Variants in CERKL observed in about 807,000 individuals in gnomAD.
The protein encoded by CERKL is CERK like autophagy regulator, also known as ceramide kinase-like protein.
In CERKL, 61 loss-of-function variants were observed where a neutral mutation model predicts 63.4. The ratio of observed to expected loss-of-function variants is 0.96; its 90% CI spans 0.78 to 1.19. The LOEUF is 1.19. Among genes scored for constraint, CERKL ranks in the 50% most tolerant of loss-of-function variants. CERKL has a pLI of 0.00. For missense variants in CERKL, 675 were observed against 655.5 expected (o/e 1.03, Z -0.33); for synonymous variants, 250 against 230.5 (o/e 1.08, Z -0.77).
chr2:181,587,738 AAAT>A (rs1684825915), intron 2 of CERKL, among the ~76,000 whole-genome samples: 1 of 152,164 alleles, frequency 6.6e-6, no homozygotes, highest in Non-Finnish European at 1.5e-5. Context: ...GAAAATTATA[AAAT>A]TATTAGAGAA....
chr2:181,601,822 G>A (rs1685471054), intron 2 of CERKL, among the ~76,000 whole-genome samples: 1 of 152,130 alleles, frequency 6.6e-6, no homozygotes, highest in South Asian at 2.1e-4. Flanking sequence ...GTTTGTATGA[G>A]TTGATTTTAA....
rs191725841 is a variant in CERKL, at chr2:181,616,338, C to T, written c.239-12259G>A. On this transcript the variant is annotated intron_variant, in intron 1 of 12. Transcript: ENST00000410087. The stretch of plus-strand genomic sequence containing the variant: ...ACACCATTCTCTTGCTTCAGCCTCC[C>T]AAGTAGCTAGGACCACAGGCGCTCG... 1.3e-3 allele frequency among the ~76,000 whole-genome samples: 198 copies of T among 151,244 alleles called. 1 individual carries two copies. The highest frequency in any genetic ancestry group is 4.6e-3 in the African/African-American group (188 of 41,122).
At chr2:181,567,781 CA>C (rs1688726982) in intron 3 of CERKL, among the ~76,000 whole-genome samples, 1 of 151,956 alleles carries the variant, frequency 6.6e-6, no homozygotes, top group African/African-American at 2.4e-5. Flanking sequence ...CAATGTTAGG[CA>C]AAAGGATAAA....
chr2:181,578,894 T>A (rs1284485516), intron 2 of CERKL, among the ~76,000 whole-genome samples: 1 of 152,020 alleles, frequency 6.6e-6, no homozygotes, highest in Non-Finnish European at 1.5e-5. Context: ...CTATTCTCCA[T>A]CTATTTGATG....
At chr2:181,632,130 A>G (rs748642451) in intron 1 of CERKL, among the ~76,000 whole-genome samples, 9 of 152,220 alleles carry the variant, frequency 5.9e-5, no homozygotes, top group Non-Finnish European at 1.3e-4. Context: ...TGCCAAATCT[A>G]AAATTCTCAA....
intron 11 of CERKL, among the ~76,000 whole-genome samples, chr2:181,540,265 C>A (rs1297549583): frequency 6.6e-6 from 1 of 152,176 alleles, no homozygotes; most frequent in Non-Finnish European, 1.5e-5. Flanking sequence ...GTTAGACCTC[C>A]TACCTCGGGT....
chr2:181,557,937 T>C (rs959094569), intron 5 of CERKL, among the ~76,000 whole-genome samples: 2 of 152,216 alleles, frequency 1.3e-5, no homozygotes, highest in African/African-American at 4.8e-5. Flanking sequence ...ATTTACTATA[T>C]AAAGTCTTCT....
At chr2:181,565,282 T>G in intron 4 of CERKL, 1 of 649,644 alleles carries the variant, frequency 1.5e-6, no homozygotes, top group South Asian at 1.8e-5. Context: ...TTCACACACT[T>G]GTCAACTTTT....
intron 2 of CERKL, among the ~76,000 whole-genome samples, chr2:181,582,786 C>G (rs564018435): frequency 6.6e-6 from 1 of 151,948 alleles, no homozygotes; most frequent in Admixed American, 6.6e-5. Context: ...TCAGGTGATC[C>G]GCCCACCTCA....
chr2:181,537,597 CAG>C lies in CERKL; in HGVS notation c.*585_*586del, dbSNP rs1559064147. 4.7e-6 allele frequency: 2 copies of C among 428,278 alleles called. No individual in the cohort carries two copies. Among genetic ancestry groups the C allele is most frequent in the South Asian group, 3.4e-5 (2 of 59,072 alleles). The allele number at this position is 428,278 out of a possible 1,614,324, so 26.5% of individuals were successfully genotyped here. On this transcript the variant is annotated 3_prime_UTR_variant, in exon 13 of 13. Transcript: ENST00000410087. Reference sequence around the variant, plus strand: ...TATGAAATCTGTATTATATTTGTAACAGAATATAGGAAATTTAACATAATTGA... The same window carrying C: ...TATGAAATCTGTATTATATTTGTAACAATATAGGAAATTTAACATAATTGA...
At chr2:181,541,241 A>G (rs749599563) in intron 11 of CERKL, among the ~76,000 whole-genome samples, 9 of 152,344 alleles carry the variant, frequency 5.9e-5, no homozygotes, top group Non-Finnish European at 1.2e-4. Flanking sequence ...GAACAGAGGA[A>G]AGACCACTCA....
At chr2:181,564,974 A>G (rs1236145724) in intron 4 of CERKL, among the ~76,000 whole-genome samples, 1 of 152,174 alleles carries the variant, frequency 6.6e-6, no homozygotes, top group Admixed American at 6.5e-5. Flanking sequence ...TAATATTGCT[A>G]TCTAGATTTA....
At chr2:181,556,170 G>C (rs1007956175) in intron 5 of CERKL, among the ~76,000 whole-genome samples, 3 of 151,588 alleles carry the variant, frequency 2.0e-5, no homozygotes, top group African/African-American at 7.3e-5. Context: ...GCTCTGCCAG[G>C]CTATTGAGTA....
In CERKL at chr2:181,567,964, C is replaced by T. The variant is rs371209456; in HGVS notation, c.614-1843G>A. ...TTCAAAAAATGTAACCCAGCCTCTT[C>T]TTTCATCTATTTGCCTTTTCCTATG... is the stretch of plus-strand genomic sequence containing the variant. On this transcript the variant is annotated intron_variant, in intron 3 of 12. Transcript: ENST00000410087. Among the ~76,000 whole-genome samples, 9 of 152,274 alleles carry T rather than the reference C, an allele frequency of 5.9e-5. No homozygotes were observed. The East Asian group carries it at 1.4e-3, about 23-fold the overall frequency.
At chr2:181,650,190 A>G (rs1574069720) in intron 1 of CERKL, 6 of 152,134 alleles carry the variant, frequency 3.9e-5, no homozygotes, top group Admixed American at 3.9e-4. Context: ...GAAAAGAAAT[A>G]AACTAGAAAT....
At chr2:181,648,584 G>C (rs1284983661) in intron 1 of CERKL, among the ~76,000 whole-genome samples, 1 of 152,164 alleles carries the variant, frequency 6.6e-6, no homozygotes, top group African/African-American at 2.4e-5. Flanking sequence ...TAACTATCAT[G>C]AACACATGTG....
At chr2:181,609,776 C>T (rs958913763) in intron 1 of CERKL, among the ~76,000 whole-genome samples, 2 of 151,718 alleles carry the variant, frequency 1.3e-5, no homozygotes, top group African/African-American at 2.4e-5. Flanking sequence ...AAAGCTATTA[C>T]AATAGAAGTA....
chr2:181,551,789 ATATT>A (rs1364896507), intron 5 of CERKL, among the ~76,000 whole-genome samples: 1 of 152,098 alleles, frequency 6.6e-6, no homozygotes, highest in African/African-American at 2.4e-5. Context: ...ATTTTATATA[ATATT>A]TAAAATATTT....
At chr2:181,622,167 T>C (rs765795982) in intron 1 of CERKL, among the ~76,000 whole-genome samples, 3 of 152,204 alleles carry the variant, frequency 2.0e-5, no homozygotes, top group Non-Finnish European at 4.4e-5. Context: ...ACAAACATCA[T>C]ACTATATAAA....
Sources: gnomAD v4.1 joint callset for allele counts (sites outside exome capture counted in the v4.1 genomes callset) on GRCh38, gnomAD v4.1.1 for gene constraint, MANE v1.5 for transcripts, NCBI Gene and HGNC (gene_info 2026-07-23, HGNC 2026-07-21) for gene names.